Variants in RAVER2 observed in about 807,000 individuals in gnomAD.
The protein encoded by RAVER2 is ribonucleoprotein, PTB binding 2.
A neutral mutation model predicts 78.1 loss-of-function variants in RAVER2; 46 were observed. The observed-to-expected ratio is 0.59, with a 90% CI of 0.46 to 0.75. The LOEUF (loss-of-function observed/expected upper bound fraction) is 0.75, where lower values mean the gene tolerates loss of function less well. Ranked by LOEUF, RAVER2 falls within the 30% of genes least tolerant of loss-of-function variation. The probability of loss-of-function intolerance (pLI) is 0.00; values close to 1 mark genes in which losing one functional copy is unlikely to be tolerated. For missense variants in RAVER2, 793 were observed against 837.5 expected, an observed-to-expected ratio of 0.95 and a Z score of 0.66; for synonymous variants, 311 against 313.3, an observed-to-expected ratio of 0.99 and a Z score of 0.08.
chr1:64,821,936 C>T (rs1450804277), intron 11 of RAVER2, among the ~76,000 whole-genome samples: 1 of 152,166 alleles, frequency 6.6e-6, no homozygotes, highest in East Asian at 1.9e-4. Context: ...GAAGTGTAAA[C>T]ACTGGACTTA....
At chr1:64,833,091 G>GTGTTTGTTTGTT (rs1553157355) in exon 12 of RAVER2, 1 of 179,602 alleles carries the variant, frequency 5.6e-6, no homozygotes, top group African/African-American at 2.4e-5. Context: ...AAATCAAGTG[G>GTGTTTGTTTGTT]TGTTTGTTTG....
intron 11 of RAVER2, among the ~76,000 whole-genome samples, chr1:64,821,921 A>G (rs1653898647): frequency 6.6e-6 from 1 of 152,236 alleles, no homozygotes; most frequent in Non-Finnish European, 1.5e-5. Context: ...GAAACTGCCC[A>G]TAAGGAAGTG....
At chr1:64,779,808 G>A (rs1186564553) in intron 3 of RAVER2, among the ~76,000 whole-genome samples, 1 of 151,418 alleles carries the variant, frequency 6.6e-6, no homozygotes, top group African/African-American at 2.4e-5. Flanking sequence ...AGCCCTTAGA[G>A]ATTATCTAGT....
intron 1 of RAVER2, among the ~76,000 whole-genome samples, chr1:64,766,591 A>G (rs1438682041): frequency 6.6e-6 from 1 of 152,188 alleles, no homozygotes; most frequent in East Asian, 1.9e-4. Flanking sequence ...CTAAGTTGCA[A>G]AATGCACCTT....
intron 1 of RAVER2, among the ~76,000 whole-genome samples, chr1:64,765,651 G>A (rs1652155361): frequency 6.6e-6 from 1 of 152,190 alleles, no homozygotes; most frequent in African/African-American, 2.4e-5. Context: ...AAGGAATGCA[G>A]AGGTGGATGC....
chr1:64,807,942 G>A (rs947060519), intron 9 of RAVER2, among the ~76,000 whole-genome samples: 14 of 152,050 alleles, frequency 9.2e-5, no homozygotes, highest in Admixed American at 3.3e-4. Flanking sequence ...ATGCTTATTC[G>A]CTTACGTAGT....
chr1:64,794,011 G>T (rs141983455), intron 5 of RAVER2, among the ~76,000 whole-genome samples: 201 of 152,184 alleles, frequency 1.3e-3, no homozygotes, highest in African/African-American at 4.8e-3. Context: ...GGACATTTGT[G>T]TACTAGTCTT....
At chr1:64,788,144 CAT>C (rs1429417786) in intron 4 of RAVER2, among the ~76,000 whole-genome samples, 2 of 152,228 alleles carry the variant, frequency 1.3e-5, no homozygotes, top group Admixed American at 1.3e-4. Context: ...ATTTTAATCT[CAT>C]ATTAAGTTAA....
chr1:64,768,033 GT>G (rs11349028), intron 1 of RAVER2, among the ~76,000 whole-genome samples: 3,399 of 152,004 alleles, frequency 0.022, 145 homozygotes, highest in African/African-American at 0.078. Flanking sequence ...TTAGTAGTTA[GT>G]TTTTTTCATA....
intron 1 of RAVER2, among the ~76,000 whole-genome samples, chr1:64,765,834 C>T (rs1043805256): frequency 6.6e-6 from 1 of 152,124 alleles, no homozygotes; most frequent in Non-Finnish European, 1.5e-5. Context: ...GTCCAAAGCA[C>T]TGAAATTTAA....
intron 1 of RAVER2, among the ~76,000 whole-genome samples, chr1:64,767,892 A>G (rs573866431): frequency 2.0e-5 from 3 of 152,120 alleles, no homozygotes; most frequent in African/African-American, 4.8e-5. Flanking sequence ...TTGGGCACCC[A>G]AGTGGATAGA....
intron 11 of RAVER2, among the ~76,000 whole-genome samples, chr1:64,816,670 C>A (rs1178954694): frequency 6.6e-6 from 1 of 152,148 alleles, no homozygotes; most frequent in East Asian, 1.9e-4. Context: ...TTTCTAAAAA[C>A]CCTGTGAGAT....
intron 5 of RAVER2, among the ~76,000 whole-genome samples, chr1:64,799,346 A>G (rs959426418): frequency 6.6e-6 from 1 of 152,176 alleles, no homozygotes; most frequent in African/African-American, 2.4e-5. Flanking sequence ...CTTAGTCTAT[A>G]TCTTGGCTAC....
At position 64,773,342 on chromosome 1, in the gene RAVER2, A is replaced by AC. The variant is rs1557588694; in HGVS notation, c.317-4275dup. Among the ~76,000 whole-genome samples the AC allele has an allele frequency of 4.0e-5, 6 of 149,296 alleles. No individual in the cohort carries two copies. In the South Asian group the frequency reaches 1.3e-3, roughly 32 times the overall value. ...CCTAATGCTATCCCTCCCCCGCTAC[A>AC]CCCCCCGACAGGCCCCAGTGTGTGA... On this transcript the variant is annotated intron_variant, in intron 2 of 11. Transcript: ENST00000294428.
intron 10 of RAVER2, among the ~76,000 whole-genome samples, chr1:64,813,964 A>T (rs1406957663): frequency 6.6e-6 from 1 of 151,772 alleles, no homozygotes; most frequent in Non-Finnish European, 1.5e-5. Context: ...TCCCTCTGTC[A>T]CCCAGGCTGG....
At chr1:64,803,657 G>C (rs1209731159) in intron 6 of RAVER2, among the ~76,000 whole-genome samples, 1 of 152,034 alleles carries the variant, frequency 6.6e-6, no homozygotes, top group Admixed American at 6.5e-5. Context: ...TGAATATCTG[G>C]TCCTAAATCC....
rs779443650 is a variant in RAVER2 at position 64,814,821 on chromosome 1, C to A, written c.1910C>A (p.Pro637His). ...GAAAAGTGCATTGCTTATTCTCCAC[C>A]TTTTGGTGATTATGCACAGGTAAAT... The change falls in exon 11 of 12, where the codon CCT becomes CAT. Residue 637 changes from proline to histidine, a missense_variant. By Grantham distance (77) the Pro-to-His change is moderately conservative (BLOSUM62 -2). Coordinates refer to ENST00000294428, the Ensembl canonical transcript of RAVER2. 1.0e-5 allele frequency: 16 copies of A among 1,579,398 alleles called. No individual in the cohort carries two copies. The South Asian group carries it at 1.8e-4, about 18-fold the overall frequency.
chr1:64,770,776 G>A (rs377026297), intron 2 of RAVER2, among the ~76,000 whole-genome samples: 1 of 151,914 alleles, frequency 6.6e-6, no homozygotes. Context: ...ATCTGGAGAT[G>A]AAAATTACAA....
At chr1:64,794,352 C>T (rs547502232) in intron 5 of RAVER2, among the ~76,000 whole-genome samples, 10 of 142,804 alleles carry the variant, frequency 7.0e-5, no homozygotes, top group African/African-American at 2.6e-4. Flanking sequence ...GAGCCGAGAT[C>T]GTGCCACTGC....
Sources: gnomAD v4.1 joint callset for allele counts (sites outside exome capture counted in the v4.1 genomes callset) on GRCh38, gnomAD v4.1.1 for gene constraint, MANE v1.5 for transcripts, NCBI Gene and HGNC (gene_info 2026-07-23, HGNC 2026-07-21) for gene names.